Variants in MYO3B observed in about 807,000 individuals in gnomAD.
The protein encoded by MYO3B is myosin IIIB.
MYO3B carries 156 observed loss-of-function variants against 174.6 expected under a neutral mutation model. That is an observed-to-expected ratio of 0.89 (90% CI 0.78 to 1.02). The LOEUF (loss-of-function observed/expected upper bound fraction) is 1.02. Among genes scored for constraint, MYO3B ranks in the 50% least tolerant of loss-of-function variants. MYO3B has a pLI of 0.00. For missense variants in MYO3B, 1,632 were observed against 1,639.4 expected (o/e 1.00, Z 0.08); for synonymous variants, 563 against 569.1 (o/e 0.99, Z 0.15).
intron 8 of MYO3B, chr2:170,348,112 G>A (rs889005964): frequency 1.3e-5 from 2 of 152,202 alleles, no homozygotes; most frequent in Non-Finnish European, 2.9e-5. Flanking sequence ...GGGCAACATA[G>A]CAAGACATTA....
At chr2:170,351,984 G>A (rs527801209) in intron 8 of MYO3B, among the ~76,000 whole-genome samples, 13 of 152,208 alleles carry the variant, frequency 8.5e-5, no homozygotes, top group East Asian at 5.8e-4. Context: ...ATGGAGTCTC[G>A]CTCCGTCGCC....
Position 170,382,112 on chromosome 2 carries a change from G to A in MYO3B, c.1068G>A (p.Glu356=). The A allele has an allele frequency of 6.2e-7, 1 of 1,610,550 alleles. No individual in the cohort carries two copies. Among genetic ancestry groups the A allele is most frequent in the South Asian group, 1.1e-5 (1 of 90,764 alleles). Residue 356 remains glutamate, a splice_region_variant and synonymous_variant, in exon 10 of 35, where the codon GAG becomes GAA. Transcript: ENST00000408978. The stretch of plus-strand genomic sequence containing the variant: ...TGGTCAACCTAGAGGTTCTGGATGA[G>A]GTACTAAATATTTAGTAGACAATTC... ...DDLVNLEVLD[E]DTIIHQLQKR...
intron 32 of MYO3B, among the ~76,000 whole-genome samples, chr2:170,642,181 T>TATTCACTC (rs1293472059): frequency 1.4e-5 from 2 of 147,822 alleles, no homozygotes; most frequent in Non-Finnish European, 2.9e-5. Context: ...GAATAGTCAG[T>TATTCACTC]ATTCACTCAT....
chr2:170,447,106 G>A (rs1683262351), intron 23 of MYO3B, among the ~76,000 whole-genome samples: 1 of 152,110 alleles, frequency 6.6e-6, no homozygotes, highest in African/African-American at 2.4e-5. Context: ...GACCTTCCTA[G>A]GTATTCTGGC....
In MYO3B at chr2:170,615,935, AACATTTGTATGTAGAAGTACAGT is replaced by A. The variant is rs1401977923; in HGVS notation, c.3734-35668_3734-35646del. The stretch of plus-strand genomic sequence containing the variant: ...TGGGGATGAAGTAATTCTTTCACAT[AACATTTGTATGTAGAAGTACAGT>A]ACATTTGTATGTAGAAGTACAGTAT... On this transcript the variant is annotated intron_variant, in intron 32 of 34. Transcript: ENST00000408978. 2.5e-3 allele frequency among the ~76,000 whole-genome samples: 382 copies of A among 152,334 alleles called. 2 individuals carry two copies. The highest frequency in any genetic ancestry group is 8.3e-3 in the African/African-American group (346 of 41,546).
At chr2:170,578,234 C>T (rs1296394804) in intron 32 of MYO3B, among the ~76,000 whole-genome samples, 1 of 152,310 alleles carries the variant, frequency 6.6e-6, no homozygotes, top group Non-Finnish European at 1.5e-5. Context: ...TCGCAGCCTG[C>T]GGCTCTTGGG....
At chr2:170,501,721 A>G in intron 27 of MYO3B, 64 bp from the exon 28 acceptor site, 2 of 1,105,596 alleles carry the variant, frequency 1.8e-6, no homozygotes, top group Middle Eastern at 2.0e-4. Flanking sequence ...AAAACAGCTT[A>G]TATCAATTCT....
chr2:170,543,653 C>T (rs950975867), intron 31 of MYO3B, among the ~76,000 whole-genome samples: 8 of 152,130 alleles, frequency 5.3e-5, no homozygotes, highest in East Asian at 1.9e-4. Context: ...TAGGTTGACT[C>T]GTTCTGAGGA....
chr2:170,639,132 T>G (rs1241389820), intron 32 of MYO3B, among the ~76,000 whole-genome samples: 1 of 152,186 alleles, frequency 6.6e-6, no homozygotes, highest in Admixed American at 6.5e-5. Context: ...TAAAATGTCG[T>G]TCCAATCTTC....
chr2:170,632,828 A>G (rs572262986), intron 32 of MYO3B, among the ~76,000 whole-genome samples: 1 of 126,898 alleles, frequency 7.9e-6, no homozygotes, highest in Non-Finnish European at 1.7e-5. Flanking sequence ...CAGAAATACA[A>G]ACTACCATCA....
intron 33 of MYO3B, 133 bp from the exon 34 acceptor site, chr2:170,651,975 T>C (rs1360110056): frequency 2.2e-6 from 2 of 890,902 alleles, no homozygotes; most frequent in African/African-American, 4.7e-5. Flanking sequence ...CTTGAGCCCT[T>C]TGATCAAAAA....
At chr2:170,310,463 G>C (rs1165494079) in intron 7 of MYO3B, among the ~76,000 whole-genome samples, 2 of 152,084 alleles carry the variant, frequency 1.3e-5, no homozygotes, top group East Asian at 3.9e-4. Flanking sequence ...AGGAGTTTGA[G>C]ACCAGCCTGG....
chr2:170,521,059 T>C (rs1385266752), intron 30 of MYO3B, among the ~76,000 whole-genome samples: 1 of 152,218 alleles, frequency 6.6e-6, no homozygotes, highest in Non-Finnish European at 1.5e-5. Context: ...TTGCATCTTT[T>C]CACCTGGAAA....
At chr2:170,567,012 A>C (rs76710756) in intron 32 of MYO3B, among the ~76,000 whole-genome samples, 2,170 of 152,238 alleles carry the variant, frequency 0.014, 56 homozygotes, top group East Asian at 0.088. Flanking sequence ...GTCGTATTTT[A>C]AACTGAGACA....
intron 25 of MYO3B, among the ~76,000 whole-genome samples, chr2:170,490,288 A>G (rs1686381453): frequency 6.6e-6 from 1 of 152,146 alleles, no homozygotes. Context: ...TCGGCCTCCC[A>G]AAGTGCTGGG....
intron 7 of MYO3B, among the ~76,000 whole-genome samples, chr2:170,244,976 A>T (rs905199578): frequency 3.9e-5 from 6 of 152,208 alleles, no homozygotes; most frequent in Non-Finnish European, 8.8e-5. Context: ...TTGTGTCAAT[A>T]TGAACACACT....
chr2:170,324,146 C>A (rs1419596088), intron 7 of MYO3B, among the ~76,000 whole-genome samples: 1 of 152,152 alleles, frequency 6.6e-6, no homozygotes, highest in Non-Finnish European at 1.5e-5. Context: ...CCTGACTCTT[C>A]ACTTTTTCAG....
intron 6 of MYO3B, among the ~76,000 whole-genome samples, chr2:170,222,361 A>T (rs1226020609): frequency 6.6e-6 from 1 of 152,236 alleles, no homozygotes; most frequent in Non-Finnish European, 1.5e-5. Flanking sequence ...GCTGTAATCA[A>T]GTAGTACAAA....
Position 170,383,772 on chromosome 2 carries a change from A to G in MYO3B, c.1248A>G (p.Ala416=), listed in dbSNP as rs1331476634. Residue 416 remains alanine, a synonymous_variant, in exon 12 of 35, where the codon GCA becomes GCG. Coordinates refer to ENST00000408978, the MANE Select transcript of MYO3B (RefSeq NM_138995.5). ...ASNPPHIFAS[A]DAAYQCMVTL... ...ATCCCCCCCACATATTTGCATCAGC[A>G]GATGCTGCTTACCAGTGCATGGTTA... is the stretch of plus-strand genomic sequence containing the variant. 6.2e-7 allele frequency: 1 copy of G among 1,613,848 alleles called. No individual in the cohort carries two copies. Among genetic ancestry groups the G allele is most frequent in the Admixed American group, 1.7e-5 (1 of 59,998 alleles).
Sources: gnomAD v4.1 joint callset for allele counts (sites outside exome capture counted in the v4.1 genomes callset) on GRCh38, gnomAD v4.1.1 for gene constraint, MANE v1.5 for transcripts, NCBI Gene and HGNC (gene_info 2026-07-23, HGNC 2026-07-21) for gene names.